Variants in KHDRBS2 observed in about 807,000 individuals in gnomAD.
The protein encoded by KHDRBS2 is KH RNA binding domain containing, signal transduction associated 2.
In KHDRBS2, 26 loss-of-function variants were observed where a neutral mutation model predicts 44.3. The ratio of observed to expected loss-of-function variants is 0.59; its 90% CI spans 0.43 to 0.81. KHDRBS2 has a LOEUF of 0.81. Among genes scored for constraint, KHDRBS2 ranks in the 40% least tolerant of loss-of-function variants. The probability of loss-of-function intolerance (pLI) is 0.00; values close to 1 mark genes in which losing one functional copy is unlikely to be tolerated. For missense variants in KHDRBS2, 476 were observed against 433.1 expected (o/e 1.10, Z -0.88); for synonymous variants, 194 against 151.1 (o/e 1.28, Z -2.08).
Position 62,061,580 on chromosome 6 carries a change from G to A in KHDRBS2, c.220-13586C>T, listed in dbSNP as rs902939177. The stretch of plus-strand genomic sequence containing the variant: ...ATGGGCTTCCCTTTGAGGGTAACCC[G>A]AGCTTTCTCTCTGGCTGCCCTTAAC... On this transcript the variant is annotated intron_variant, in intron 2 of 8. Coordinates refer to ENST00000281156, the MANE Select transcript of KHDRBS2 (RefSeq NM_152688.4). 3.9e-3 allele frequency among the ~76,000 whole-genome samples: 585 copies of A among 150,386 alleles called. 6 individuals are homozygous for A. Among genetic ancestry groups the A allele is most frequent in the African/African-American group, 0.014 (559 of 41,072 alleles).
chr6:62,055,741 T>C (rs1328970466), intron 2 of KHDRBS2, among the ~76,000 whole-genome samples: 3 of 151,960 alleles, frequency 2.0e-5, no homozygotes, highest in Non-Finnish European at 4.4e-5. Flanking sequence ...CCTTTCCACG[T>C]AGGTTCACTT....
chr6:61,979,936 G>A (rs1342457847), intron 3 of KHDRBS2, among the ~76,000 whole-genome samples: 1 of 151,934 alleles, frequency 6.6e-6, no homozygotes, highest in South Asian at 2.1e-4. Context: ...TTATTTTTGT[G>A]TTACCCTCTC....
the KHDRBS2 span, among the ~76,000 whole-genome samples, chr6:61,553,225 T>A: frequency 6.6e-6 from 1 of 152,196 alleles, no homozygotes; most frequent in Non-Finnish European, 1.5e-5. Context: ...CCTGGTTTAC[T>A]CTTGGGAGGT....
At position 61,934,412 on chromosome 6, in the gene KHDRBS2, C is replaced by A. The variant is rs190239476; in HGVS notation, c.484-33041G>T. Among the ~76,000 whole-genome samples, 11 of 152,148 alleles carry A rather than the reference C, an allele frequency of 7.2e-5. No individual in the cohort carries two copies. The East Asian group carries it at 2.1e-3, about 29-fold the overall frequency. On this transcript the variant is annotated intron_variant, in intron 4 of 8. Coordinates refer to ENST00000281156, the MANE Select transcript of KHDRBS2 (RefSeq NM_152688.4). The stretch of plus-strand genomic sequence containing the variant: ...TGAAGCATTTCCCCTAGGAGACTAG[C>A]TAATTTTTAAATCTAACAGAAAAGT...
At chr6:61,704,514 G>T (rs1244682667) in intron 7 of KHDRBS2, among the ~76,000 whole-genome samples, 1 of 151,876 alleles carries the variant, frequency 6.6e-6, no homozygotes, top group African/African-American at 2.4e-5. Context: ...TGGAGTGACC[G>T]CGTATCAGTA....
intron 6 of KHDRBS2, among the ~76,000 whole-genome samples, chr6:61,803,278 A>G (rs1419295933): frequency 6.6e-6 from 1 of 152,176 alleles, no homozygotes; most frequent in Non-Finnish European, 1.5e-5. Flanking sequence ...AATGATTATT[A>G]AGAAGTGTAA....
intron 3 of KHDRBS2, among the ~76,000 whole-genome samples, chr6:62,040,593 G>T (rs984784916): frequency 6.6e-6 from 1 of 151,964 alleles, no homozygotes; most frequent in African/African-American, 2.4e-5. Context: ...TTCTTTGCTC[G>T]CATGTGTAAA....
intron 6 of KHDRBS2, among the ~76,000 whole-genome samples, chr6:61,876,183 T>A (rs558979424): frequency 6.6e-6 from 1 of 152,186 alleles, no homozygotes; most frequent in Admixed American, 6.6e-5. Context: ...TACTGATTGC[T>A]GAAGTCTCTA....
intron 2 of KHDRBS2, among the ~76,000 whole-genome samples, chr6:62,092,897 G>T (rs1377234187): frequency 2.0e-5 from 3 of 151,932 alleles, no homozygotes; most frequent in African/African-American, 7.2e-5. Flanking sequence ...CTTTCATTGA[G>T]ATATTTAGAT....
intron 2 of KHDRBS2, among the ~76,000 whole-genome samples, chr6:62,137,974 T>C (rs1811930587): frequency 6.6e-6 from 1 of 152,254 alleles, no homozygotes; most frequent in African/African-American, 2.4e-5. Flanking sequence ...CCATGTTTAC[T>C]GTTCTGCGTG....
rs111280670 is a variant in KHDRBS2, at chr6:61,739,977, C to T, written c.811-7213G>A. ...ATGACTGTGTTTAACAATCAATTTA[C>T]AAAATTCCTAAAAATTTTACAAATC... On this transcript the variant is annotated intron_variant, in intron 6 of 8. Transcript: ENST00000281156. Among the ~76,000 whole-genome samples the T allele has an allele frequency of 2.8e-3, 431 of 151,936 alleles. 5 individuals carry two copies. The highest frequency in any genetic ancestry group is 0.01 in the African/African-American group (416 of 41,486).
Position 62,180,567 on chromosome 6 carries a change from C to T in KHDRBS2, c.92-3255G>A, listed in dbSNP as rs767989760. Among the ~76,000 whole-genome samples, 5 of 151,858 alleles carry T rather than the reference C, an allele frequency of 3.3e-5. No individual in the cohort carries two copies. The South Asian group carries it at 1.0e-3, about 32-fold the overall frequency. The stretch of plus-strand genomic sequence containing the variant: ...GGAGACAAAAATAAATGAAAAGACA[C>T]TTTATGTTTATAGATTGGAAGAATT... On this transcript the variant is annotated intron_variant, in intron 1 of 8. Coordinates refer to ENST00000281156, the MANE Select transcript of KHDRBS2 (RefSeq NM_152688.4).
chr6:62,258,593 T>C (rs530996090), intron 1 of KHDRBS2, among the ~76,000 whole-genome samples: 1 of 152,052 alleles, frequency 6.6e-6, no homozygotes, highest in Non-Finnish European at 1.5e-5. Context: ...ACATAAACTT[T>C]GTCTCATTCA....
intron 2 of KHDRBS2, among the ~76,000 whole-genome samples, chr6:62,077,592 G>C (rs949972542): frequency 2.0e-5 from 3 of 152,022 alleles, no homozygotes; most frequent in Admixed American, 1.3e-4. Flanking sequence ...CAGTGAGACA[G>C]TTTGCCTCAT....
chr6:62,138,902 T>C (rs1812145354), intron 2 of KHDRBS2, among the ~76,000 whole-genome samples: 1 of 152,208 alleles, frequency 6.6e-6, no homozygotes, highest in Admixed American at 6.6e-5. Flanking sequence ...AAAGTAAGAG[T>C]GTAAAATTGG....
chr6:61,801,159 C>T (rs1165841133), intron 6 of KHDRBS2, among the ~76,000 whole-genome samples: 4 of 152,156 alleles, frequency 2.6e-5, no homozygotes, highest in Non-Finnish European at 5.9e-5. Context: ...TTTTAGGTAA[C>T]ATAATATATG....
intron 6 of KHDRBS2, among the ~76,000 whole-genome samples, chr6:61,887,788 G>A (rs1375606302): frequency 6.6e-6 from 1 of 152,092 alleles, no homozygotes; most frequent in Admixed American, 6.6e-5. Flanking sequence ...CTATTATTTT[G>A]TTATTGAAAC....
chr6:62,203,819 G>T (rs568849614), intron 1 of KHDRBS2, among the ~76,000 whole-genome samples: 1 of 152,222 alleles, frequency 6.6e-6, no homozygotes, highest in East Asian at 1.9e-4. Flanking sequence ...TTTGATGTTT[G>T]TCCTCCCGAA....
At chr6:62,080,059 A>ATTATATTATACAT (rs1159073005) in intron 2 of KHDRBS2, among the ~76,000 whole-genome samples, 1 of 152,050 alleles carries the variant, frequency 6.6e-6, no homozygotes, top group Admixed American at 6.6e-5. Flanking sequence ...TGCAAATTTA[A>ATTATATTATACAT]ATTGTAATTA....
Sources: allele counts gnomAD v4.1 joint callset (sites outside exome capture counted in the v4.1 genomes callset), GRCh38; gene constraint gnomAD v4.1.1; transcripts MANE v1.5; gene names NCBI Gene and HGNC (gene_info 2026-07-23, HGNC 2026-07-21).